ARHGAP20: variants seen among roughly 807,000 people sequenced by gnomAD.
ARHGAP20 encodes rho GTPase-activating protein 20.
In ARHGAP20, 34 loss-of-function variants were observed where a neutral mutation model predicts 73.7. The ratio of observed to expected loss-of-function variants is 0.46; its 90% CI spans 0.35 to 0.61. The LOEUF is 0.61. Ranked by LOEUF, ARHGAP20 falls within the 20% of genes least tolerant of loss-of-function variation. The probability of loss-of-function intolerance (pLI) is 0.00; values close to 1 mark genes in which losing one functional copy is unlikely to be tolerated. For missense variants in ARHGAP20, 1,314 were observed against 1,420.9 expected (o/e 0.92, Z 1.21); for synonymous variants, 523 against 518.2 (o/e 1.01, Z -0.13).
intron 2 of ARHGAP20, among the ~76,000 whole-genome samples, chr11:110,676,771 T>C (rs1190915192): frequency 6.6e-6 from 1 of 152,158 alleles, no homozygotes; most frequent in Non-Finnish European, 1.5e-5. Flanking sequence ...GAAAAGTAGG[T>C]ATTCTATAAA....
intron 12 of ARHGAP20, among the ~76,000 whole-genome samples, chr11:110,584,785 G>C (rs979844480): frequency 1.7e-4 from 26 of 151,794 alleles, no homozygotes; most frequent in African/African-American, 5.3e-4. Context: ...TCCCTGCCCT[G>C]ATAGAAGAGG....
In ARHGAP20 at chr11:110,579,721, T is replaced by G. The variant is rs1445810097; in HGVS notation, c.3225A>C (p.Pro1075=). 5.6e-6 allele frequency: 9 copies of G among 1,614,164 alleles called. No homozygotes were observed. The highest frequency in any genetic ancestry group is 6.8e-6 in the Non-Finnish European group (8 of 1,180,014). The change falls in exon 15 of 15, where the codon CCA becomes CCC. Residue 1075 remains proline (P), a synonymous_variant. Transcript: ENST00000683387. ...TGGCTTCTGGAACACCAGAAGCATG[T>G]GGGGGTGGCTCTAAGGGTCCTTTTG... ...ASPKGPLEPP[P]HASGVPEANS...
At chr11:110,704,990 A>G (rs77646885) in intron 1 of ARHGAP20, among the ~76,000 whole-genome samples, 2,719 of 152,294 alleles carry the variant, frequency 0.018, 27 homozygotes, top group Non-Finnish European at 0.026. Flanking sequence ...GTACACACAT[A>G]TAACTTTGAT....
intron 1 of ARHGAP20, among the ~76,000 whole-genome samples, chr11:110,710,995 T>C (rs1202458005): frequency 2.0e-5 from 2 of 98,874 alleles, no homozygotes; most frequent in Non-Finnish European, 3.7e-5. Flanking sequence ...AGGGCACCAC[T>C]AAGACAAGGC....
chr11:110,705,475 A>C (rs1195379465), intron 1 of ARHGAP20, among the ~76,000 whole-genome samples: 3 of 152,192 alleles, frequency 2.0e-5, no homozygotes, highest in African/African-American at 7.2e-5. Context: ...ATGAATTCCA[A>C]CTGCCTATTT....
chr11:110,639,211 G>A (rs976725289), intron 2 of ARHGAP20, among the ~76,000 whole-genome samples: 2 of 149,640 alleles, frequency 1.3e-5, no homozygotes, highest in African/African-American at 2.5e-5. Flanking sequence ...GTTGGAAACC[G>A]CAGCACACAC....
At chr11:110,696,972 G>C (rs1565483133) in intron 1 of ARHGAP20, among the ~76,000 whole-genome samples, 1 of 151,572 alleles carries the variant, frequency 6.6e-6, no homozygotes. Flanking sequence ...TCAGTTAACT[G>C]TTGATGGACA....
At chr11:110,622,280 C>G (rs1285012798) in intron 4 of ARHGAP20, among the ~76,000 whole-genome samples, 1 of 152,178 alleles carries the variant, frequency 6.6e-6, no homozygotes, top group Non-Finnish European at 1.5e-5. Flanking sequence ...GTTTAAATTC[C>G]TCTCCAAAAG....
At chr11:110,705,042 T>G (rs1180130369) in intron 1 of ARHGAP20, among the ~76,000 whole-genome samples, 1 of 152,196 alleles carries the variant, frequency 6.6e-6, no homozygotes, top group Non-Finnish European at 1.5e-5. Flanking sequence ...TGTATTTTAG[T>G]GGCAATTTAA....
chr11:110,602,052 G>A (rs893673654), intron 9 of ARHGAP20, among the ~76,000 whole-genome samples: 10 of 151,844 alleles, frequency 6.6e-5, no homozygotes, highest in Non-Finnish European at 1.3e-4. Context: ...TTCACGTAAT[G>A]TCTATGGCTG....
chr11:110,583,709 C>A lies in ARHGAP20; in HGVS notation c.1444G>T (p.Val482Phe), dbSNP rs767826991. Residue 482 changes from valine to phenylalanine, a missense_variant, in exon 13 of 15, where the codon GTT (valine) becomes TTT (phenylalanine). By Grantham distance (50) the Val-to-Phe change is conservative (BLOSUM62 -1). Around this residue, in one of 3 missense-constraint regions of ARHGAP20, gnomAD observed 230 missense variants for 317.6 expected, o/e 0.72. Transcript: ENST00000683387. ...RLLDQLPRAN[V>F]VLLRYLFGVL... ...CCAAAAAGATACCTTAGGAGAACAA[C>A]ATTGGCTCTCGGAAGCTGGTCTAAT... 6.3e-7 allele frequency: 1 copy of A among 1,592,166 alleles called. No homozygotes were observed. Among genetic ancestry groups the A allele is most frequent in the South Asian group, 1.1e-5 (1 of 88,094 alleles).
At position 110,578,583 on chromosome 11, in the gene ARHGAP20, T is replaced by G; in HGVS notation, c.*787A>C. 1.0e-6 allele frequency: 1 copy of G among 985,458 alleles called. No homozygotes were observed. Among genetic ancestry groups the G allele is most frequent in the Non-Finnish European group, 1.2e-6 (1 of 829,936 alleles). The allele number at this position is 985,458 out of a possible 1,614,324, so 61.0% of individuals were successfully genotyped here. A position where few individuals can be genotyped will look rare whatever the true frequency, so the allele number is the denominator to read the frequency against. ...TAGAAGAAGTTGCATTTCTGAAGAA[T>G]GTTCCTAGGCAGAGATACCTTTGAA... On this transcript the variant is annotated 3_prime_UTR_variant, in exon 15 of 15. Coordinates refer to ENST00000683387, the MANE Select transcript of ARHGAP20 (RefSeq NM_001384657.1).
intron 2 of ARHGAP20, among the ~76,000 whole-genome samples, chr11:110,643,643 AT>A (rs111978481): frequency 0.013 from 2,032 of 151,200 alleles, 53 homozygotes; most frequent in African/African-American, 0.046. Context: ...GCTTTGTATG[AT>A]TTTTTTTTAG....
At chr11:110,675,870 C>T (rs1214050044) in intron 2 of ARHGAP20, among the ~76,000 whole-genome samples, 6 of 152,158 alleles carry the variant, frequency 3.9e-5, no homozygotes, top group African/African-American at 1.2e-4. Context: ...AATTATAACA[C>T]TTATAGTCTA....
intron 11 of ARHGAP20, among the ~76,000 whole-genome samples, chr11:110,589,079 C>CA (rs1321216675): frequency 6.6e-6 from 1 of 150,950 alleles, no homozygotes; most frequent in Non-Finnish European, 1.5e-5. Context: ...CTGAAAAAAA[C>CA]AAAAAACAAA....
chr11:110,637,875 G>A (rs1214399455), intron 2 of ARHGAP20, among the ~76,000 whole-genome samples: 1 of 152,062 alleles, frequency 6.6e-6, no homozygotes, highest in Non-Finnish European at 1.5e-5. Context: ...CTTTAAGAAG[G>A]AACAGCATGT....
intron 6 of ARHGAP20, among the ~76,000 whole-genome samples, chr11:110,612,994 A>T (rs959844423): frequency 2.6e-5 from 4 of 152,180 alleles, no homozygotes; most frequent in South Asian, 2.1e-4. Context: ...TTCTGATTTT[A>T]AAAAAGTCTA....
Position 110,615,590 on chromosome 11 carries a change from G to A in ARHGAP20, c.508C>T (p.Pro170Ser). 1 of 1,611,986 alleles carries A rather than the reference G, an allele frequency of 6.2e-7. No homozygotes were observed. Among genetic ancestry groups the A allele is most frequent in the Non-Finnish European group, 8.5e-7 (1 of 1,179,180 alleles). The stretch of plus-strand genomic sequence containing the variant: ...GAGAGCCATTTGTCCTTTTGTTCTG[G>A]AGAACTGCAATCAAAGAAAATGGGA... ...TVNFVATFSSPEQKDKWLSLL... is the reference protein window; with the variant it reads ...TVNFVATFSSSEQKDKWLSLL... The change falls in exon 5 of 15, where the codon CCA (proline) becomes TCA (serine). Residue 170 changes from proline (P) to serine (S), a missense_variant. Coordinates refer to ENST00000683387, the MANE Select transcript of ARHGAP20 (RefSeq NM_001384657.1).
chr11:110,646,003 C>T (rs1949184156), intron 2 of ARHGAP20, among the ~76,000 whole-genome samples: 1 of 152,114 alleles, frequency 6.6e-6, no homozygotes, highest in Non-Finnish European at 1.5e-5. Context: ...GGCTGAGAAA[C>T]TACCTATTGG....
Sources: allele counts gnomAD v4.1 joint callset (sites outside exome capture counted in the v4.1 genomes callset), GRCh38; gene constraint gnomAD v4.1.1; regional missense constraint gnomAD v4.1.1; transcripts MANE v1.5; gene names NCBI Gene and HGNC (gene_info 2026-07-23, HGNC 2026-07-21).